The following STK3 variants were observed in gnomAD, a reference collection of about 807,000 sequenced individuals.
STK3 encodes serine/threonine-protein kinase 3.
In STK3, 41 loss-of-function variants were observed where a neutral mutation model predicts 58.0. The observed-to-expected ratio is 0.71, with a 90% confidence interval of 0.55 to 0.92. The LOEUF (loss-of-function observed/expected upper bound fraction) is 0.92, where lower values mean the gene tolerates loss of function less well. Ranked by LOEUF, STK3 falls within the 40% of genes least tolerant of loss-of-function variation. The pLI, the probability that STK3 is intolerant of heterozygous loss-of-function variation, is 0.00. For missense variants in STK3, 479 were observed against 602.7 expected (o/e 0.79, Z 2.15); for synonymous variants, 170 against 191.0 (o/e 0.89, Z 0.91).
rs551282294 is a variant in STK3, at chr8:98,901,516, G to A, written c.-78-17682C>T. Reference sequence around the variant, plus strand: ...GAAGGCTCTGCTAGGCTCTCTGACTGCACACCACACCTGCCTTAGACCTTT... The same window carrying A: ...GAAGGCTCTGCTAGGCTCTCTGACTACACACCACACCTGCCTTAGACCTTT... On this transcript the variant is annotated intron_variant, in intron 1 of 1. Coordinates refer to the STK3 transcript ENST00000519420. Among the ~76,000 whole-genome samples, 9 of 152,364 alleles carry A rather than the reference G, an allele frequency of 5.9e-5. 1 individual carries two copies. The South Asian group carries it at 1.9e-3, about 32-fold the overall frequency.
At chr8:98,830,313 G>C (rs1835477623), upstream of STK3, among the ~76,000 whole-genome samples, 1 of 152,146 alleles carries the variant, frequency 6.6e-6, no homozygotes, top group Non-Finnish European at 1.5e-5. Context: ...CAACGAGAGA[G>C]TGACTAAGGA....
chr8:98,537,083 C>T (rs1209023521), intron 9 of STK3, among the ~76,000 whole-genome samples: 1 of 152,080 alleles, frequency 6.6e-6, no homozygotes, highest in Non-Finnish European at 1.5e-5. Flanking sequence ...TTAAAAGCAA[C>T]TTAAATAAAA....
At chr8:98,838,062 C>T (rs141438087) in intron 3 of STK3, among the ~76,000 whole-genome samples, 97 of 129,248 alleles carry the variant, frequency 7.5e-4, no homozygotes, top group Non-Finnish European at 1.2e-3. Context: ...AACCGTGTCT[C>T]TACTAAAAAT....
rs1489047486 is a variant in STK3, at chr8:98,663,240, C to T, written c.684+43227G>A. Among the ~76,000 whole-genome samples the T allele has an allele frequency of 3.9e-5, 6 of 152,152 alleles. No individual in the cohort carries two copies. The East Asian group carries it at 9.6e-4, about 24-fold the overall frequency. On this transcript the variant is annotated intron_variant, in intron 6 of 10. Transcript: ENST00000419617. ...TGAACAGACACTTCTCAAAAGAAGACATCTATGCAGCCAAAAGACACATGA... is the reference window on the plus strand; with the variant it reads ...TGAACAGACACTTCTCAAAAGAAGATATCTATGCAGCCAAAAGACACATGA...
intron 1 of STK3, among the ~76,000 whole-genome samples, chr8:98,445,302 A>G (rs1818891137): frequency 6.6e-6 from 1 of 152,206 alleles, no homozygotes; most frequent in South Asian, 2.1e-4. Context: ...TAGCTAATAG[A>G]CTGTCACTGT....
intron 10 of STK3, among the ~76,000 whole-genome samples, chr8:98,514,429 C>T (rs1824767097): frequency 6.6e-6 from 1 of 151,738 alleles, no homozygotes; most frequent in Admixed American, 6.6e-5. Context: ...TTATTTACAC[C>T]CTGTGGTAGG....
chr8:98,400,776 TA>T (rs34133990), downstream of STK3, among the ~76,000 whole-genome samples: 20,037 of 151,478 alleles, frequency 0.13, 1,836 homozygotes, highest in East Asian at 0.37. Context: ...TTGTCTTTTT[TA>T]AAAAAAAAAT....
intron 1 of STK3, among the ~76,000 whole-genome samples, chr8:98,806,752 G>A (rs1339060128): frequency 2.6e-5 from 4 of 152,000 alleles, no homozygotes; most frequent in East Asian, 1.9e-4. Flanking sequence ...AGAGACCTAA[G>A]TAACAGTAAA....
chr8:98,849,817 G>A (rs185234227), intron 3 of STK3, among the ~76,000 whole-genome samples: 56 of 152,148 alleles, frequency 3.7e-4, no homozygotes, highest in African/African-American at 1.3e-3. Flanking sequence ...CAATTTCCAG[G>A]TCCAAAGGAA....
chr8:98,724,519 CTG>C (rs1244665950), intron 4 of STK3, among the ~76,000 whole-genome samples: 1 of 152,200 alleles, frequency 6.6e-6, no homozygotes, highest in East Asian at 1.9e-4. Context: ...TAGGGCCAAA[CTG>C]TTTTACACAC....
intron 4 of STK3, among the ~76,000 whole-genome samples, chr8:98,712,947 G>C (rs1026692750): frequency 5.9e-5 from 9 of 152,168 alleles, no homozygotes; most frequent in African/African-American, 1.9e-4. Flanking sequence ...TCAGACTACA[G>C]TGCAATCAAA....
At chr8:98,817,644 A>G (rs1302198637) in intron 1 of STK3, among the ~76,000 whole-genome samples, 1 of 152,034 alleles carries the variant, frequency 6.6e-6, no homozygotes, top group Non-Finnish European at 1.5e-5. Context: ...AAGTTGTTTC[A>G]ATTCAAAACA....
downstream of STK3, chr8:98,880,727 G>A (rs1837761720): frequency 6.6e-6 from 1 of 152,148 alleles, no homozygotes; most frequent in African/African-American, 2.4e-5. Context: ...ACGAAAAGAA[G>A]TTCAACATCA....
At chr8:98,373,762 T>C (rs1440383830) in intron 2 of STK3, among the ~76,000 whole-genome samples, 1 of 152,186 alleles carries the variant, frequency 6.6e-6, no homozygotes, top group Non-Finnish European at 1.5e-5. Flanking sequence ...ATGTCTTATA[T>C]AACTTATCCT....
At chr8:98,618,545 G>T (rs1817969300) in intron 6 of STK3, among the ~76,000 whole-genome samples, 1 of 150,218 alleles carries the variant, frequency 6.7e-6, no homozygotes, top group Non-Finnish European at 1.5e-5. Context: ...CAGACGACAT[G>T]ATTGTTTATC....
At chr8:98,600,508 T>A (rs1349616198) in intron 6 of STK3, among the ~76,000 whole-genome samples, 1 of 152,202 alleles carries the variant, frequency 6.6e-6, no homozygotes, top group African/African-American at 2.4e-5. Flanking sequence ...TTATTCAAGA[T>A]CACACAGCTA....
intron 6 of STK3, among the ~76,000 whole-genome samples, chr8:98,661,781 C>T (rs903575221): frequency 9.2e-5 from 14 of 152,202 alleles, no homozygotes; most frequent in African/African-American, 3.4e-4. Context: ...TACCACACAT[C>T]TACTTTTATA....
chr8:98,783,601 GACA>G (rs1234002316), intron 1 of STK3, among the ~76,000 whole-genome samples: 1 of 152,142 alleles, frequency 6.6e-6, no homozygotes, highest in East Asian at 1.9e-4. Context: ...CTTAAAATAA[GACA>G]ACAATGAAGT....
intron 8 of STK3, among the ~76,000 whole-genome samples, chr8:98,554,803 A>G (rs1811468915): frequency 6.6e-6 from 1 of 152,130 alleles, no homozygotes; most frequent in Non-Finnish European, 1.5e-5. Context: ...ACTTTTTAAA[A>G]TTCTTAACTT....
Sources: gnomAD v4.1 joint callset for allele counts (sites outside exome capture counted in the v4.1 genomes callset) on GRCh38, gnomAD v4.1.1 for gene constraint, MANE v1.5 for transcripts, NCBI Gene and HGNC (gene_info 2026-07-23, HGNC 2026-07-21) for gene names.